Variants in PLAA observed in about 807,000 individuals in gnomAD.
The protein encoded by PLAA is phospholipase A2 activating protein, also known as phospholipase A-2-activating protein.
PLAA carries 48 observed loss-of-function variants against 84.1 expected under a neutral mutation model. The observed-to-expected ratio is 0.57, with a 90% CI of 0.45 to 0.73. The LOEUF (loss-of-function observed/expected upper bound fraction) is 0.73. Ranked by LOEUF, PLAA falls within the 30% of genes least tolerant of loss-of-function variation. The pLI is 0.00. For synonymous variants in PLAA, 392 were observed against 336.6 expected (o/e 1.16, Z -1.80); for missense variants, 903 against 954.7 (o/e 0.95, Z 0.71).
At chr9:26,941,608 A>G (rs1233237737) in intron 1 of PLAA, among the ~76,000 whole-genome samples, 3 of 152,190 alleles carry the variant, frequency 2.0e-5, no homozygotes, top group Admixed American at 6.6e-5. Flanking sequence ...GAAAAAAACC[A>G]ATATGGAGGA....
chr9:26,941,243 C>T (rs1201596677), intron 1 of PLAA, among the ~76,000 whole-genome samples: 1 of 151,450 alleles, frequency 6.6e-6, no homozygotes, highest in African/African-American at 2.4e-5. Flanking sequence ...TGCTAGTACT[C>T]AGCAAAAGTC....
At chr9:26,914,215 A>C (rs1424090545) in intron 10 of PLAA, among the ~76,000 whole-genome samples, 2 of 152,184 alleles carry the variant, frequency 1.3e-5, no homozygotes, top group Non-Finnish European at 2.9e-5. Flanking sequence ...ATTGGAGAGA[A>C]ATAAAAGTTT....
intron 2 of PLAA, among the ~76,000 whole-genome samples, chr9:26,929,669 T>C (rs1160133547): frequency 6.6e-6 from 1 of 152,190 alleles, no homozygotes; most frequent in Non-Finnish European, 1.5e-5. Context: ...TGGCTCTAGA[T>C]CAAAAACTGT....
At position 26,919,318 on chromosome 9, in the gene PLAA, G is replaced by T; in HGVS notation, c.1409C>A (p.Pro470Gln). Residue 470 changes from proline to glutamine, a missense_variant, in exon 9 of 14, where the codon CCA becomes CAA. Physicochemically the swap from Pro to Gln is moderately conservative, Grantham distance 76. Transcript: ENST00000397292. ...LGLGNPSFSD[P>Q]FTGGGRYVPG... ...TATAAACACTAACTTACCTGTAAAT[G>T]GATCTGAAAAGCTGGGATTCCCAAG... 1 of 1,604,116 alleles carries T rather than the reference G, an allele frequency of 6.2e-7. No individual in the cohort carries two copies. The highest frequency in any genetic ancestry group is 8.5e-7 in the Non-Finnish European group (1 of 1,173,696).
chr9:26,905,961 A>G lies in PLAA; in HGVS notation c.1938T>C (p.Leu646=), dbSNP rs1824222392. The change falls in exon 14 of 14, where the codon CTT becomes CTC. Residue 646 remains leucine, a synonymous_variant. Transcript: ENST00000397292. ...GAQFSSHLIN[L]LNPKGKPANQ... ...TTGCTGGCTTTCCTTTAGGGTTCAG[A>G]AGATTGATAAGATGACTGCTGAACT... 1 of 1,614,022 alleles carries G rather than the reference A, an allele frequency of 6.2e-7. No homozygotes were observed. The highest frequency in any genetic ancestry group is 8.5e-7 in the Non-Finnish European group (1 of 1,180,028).
At chr9:26,940,108 A>C (rs1379057668) in intron 1 of PLAA, among the ~76,000 whole-genome samples, 11 of 152,248 alleles carry the variant, frequency 7.2e-5, no homozygotes, top group Non-Finnish European at 1.6e-4. Flanking sequence ...AATTCCTAGA[A>C]AAATTAAAAA....
At position 26,905,332 on chromosome 9, in the gene PLAA, A is replaced by C. The variant is rs1319014577; in HGVS notation, c.*179T>G. The C allele has an allele frequency of 1.1e-5, 6 of 555,366 alleles. No individual in the cohort carries two copies. The highest frequency in any genetic ancestry group is 9.5e-5 in the African/African-American group (5 of 52,698). The allele number at this position is 555,366 out of a possible 1,614,324, so 34.4% of individuals were successfully genotyped here. A position where few individuals can be genotyped will look rare whatever the true frequency, so the allele number is the denominator to read the frequency against. On this transcript the variant is annotated 3_prime_UTR_variant, in exon 14 of 14. Transcript: ENST00000397292. Reference sequence around the variant, plus strand: ...AAATCTACCCAAATTACACAGGAAAATCTCACAGTTCAGCAGTGCAAAAAT... The same window carrying C: ...AAATCTACCCAAATTACACAGGAAACTCTCACAGTTCAGCAGTGCAAAAAT...
At chr9:26,946,709 G>A (rs1825733554) in intron 1 of PLAA, among the ~76,000 whole-genome samples, 188 bp downstream of exon 1, 1 of 152,188 alleles carries the variant, frequency 6.6e-6, no homozygotes. Context: ...CCAACCCTGT[G>A]CTCTTTCCAC....
In PLAA at chr9:26,903,380, T is replaced by A. The variant is rs1824138483; in HGVS notation, c.*2131A>T. On this transcript the variant is annotated 3_prime_UTR_variant, in exon 14 of 14. Coordinates refer to ENST00000397292, the MANE Select transcript of PLAA (RefSeq NM_001031689.3). ...AAATGGGTATATCCATATGATAGAA[T>A]ATTGTATTTATTAATGTGGAGCTCT... is the stretch of plus-strand genomic sequence containing the variant. Among the ~76,000 whole-genome samples, 1 of 152,238 alleles carries A rather than the reference T, an allele frequency of 6.6e-6. No individual in the cohort carries two copies. Among genetic ancestry groups the A allele is most frequent in the Non-Finnish European group, 1.5e-5 (1 of 68,038 alleles).
chr9:26,919,550 G>A (rs767742217), intron 8 of PLAA, 21 bp from the exon 9 acceptor site: 2 of 1,256,252 alleles, frequency 1.6e-6, no homozygotes, highest in Admixed American at 3.4e-5. Context: ...AATATAAAAA[G>A]GAGATACATG....
At chr9:26,907,365 T>TA (rs1293768024) in intron 13 of PLAA, among the ~76,000 whole-genome samples, 2 of 148,192 alleles carry the variant, frequency 1.3e-5, no homozygotes, top group Admixed American at 1.4e-4. Flanking sequence ...CCGTCTCTAC[T>TA]AAAAATACAA....
intron 10 of PLAA, among the ~76,000 whole-genome samples, chr9:26,914,805 T>C (rs1465900436): frequency 1.3e-5 from 2 of 152,214 alleles, no homozygotes; most frequent in African/African-American, 4.8e-5. Context: ...TTTCTAAATA[T>C]GGTTTTCTGA....
intron 1 of PLAA, among the ~76,000 whole-genome samples, chr9:26,944,959 C>T (rs1381387144): frequency 6.6e-6 from 1 of 152,224 alleles, no homozygotes; most frequent in Non-Finnish European, 1.5e-5. Context: ...GAAACCCCAT[C>T]TCTACTAAAA....
chr9:26,943,468 G>T (rs1394285927), intron 1 of PLAA, among the ~76,000 whole-genome samples: 5 of 152,206 alleles, frequency 3.3e-5, no homozygotes, highest in African/African-American at 9.6e-5. Context: ...TGCATCAGAG[G>T]TAGACAGACC....
At chr9:26,920,500 C>A in intron 7 of PLAA, 116 bp from the exon 8 acceptor site, 6 of 577,856 alleles carry the variant, frequency 1.0e-5, no homozygotes, top group South Asian at 4.5e-5. Context: ...GATTTTGTTT[C>A]AAAATAAAAT....
intron 10 of PLAA, 36 bp from the exon 11 acceptor site, chr9:26,913,983 AC>A: frequency 6.9e-7 from 1 of 1,445,650 alleles, no homozygotes; most frequent in Non-Finnish European, 9.7e-7. Flanking sequence ...AGCAAAGGTG[AC>A]TGTAAATTAT....
At chr9:26,914,117 A>G (rs1211480645) in intron 10 of PLAA, among the ~76,000 whole-genome samples, 170 bp from the exon 11 acceptor site, 1 of 152,254 alleles carries the variant, frequency 6.6e-6, no homozygotes, top group Non-Finnish European at 1.5e-5. Flanking sequence ...GTGCCTGAGC[A>G]TATCATAAGT....
rs953342648 is a variant in PLAA, at chr9:26,904,613, T to G, written c.*898A>C. 27 of 152,254 alleles carry G rather than the reference T, an allele frequency of 1.8e-4. No homozygotes were observed. Among genetic ancestry groups the G allele is most frequent in the African/African-American group, 6.3e-4 (26 of 41,568 alleles). The allele number at this position is 152,254 out of a possible 1,614,324, so 9.4% of individuals were successfully genotyped here. On this transcript the variant is annotated 3_prime_UTR_variant, in exon 14 of 14. Transcript: ENST00000397292. ...GGGTTTTAAGGATTAAATATCAGTG[T>G]GTCTACTATTCTGCCTGGACCACAT...
Position 26,919,201 on chromosome 9 carries a change from A to G in PLAA, c.1417+109T>C, listed in dbSNP as rs996127003. On this transcript the variant is annotated intron_variant, in intron 9 of 13. Coordinates refer to ENST00000397292, the MANE Select transcript of PLAA (RefSeq NM_001031689.3). The stretch of plus-strand genomic sequence containing the variant: ...TGAATGTGAAGTAAAACCCTGCTGT[A>G]GATATTGGTATTTATTGAAAAAGCT... 5 of 605,990 alleles carry G rather than the reference A, an allele frequency of 8.3e-6. No homozygotes were observed. In the Admixed American group the frequency reaches 1.5e-4, roughly 18 times the overall value. 37.5% of individuals were successfully genotyped at this position (605,990 alleles called of 1,614,324 possible). A position where few individuals can be genotyped will look rare whatever the true frequency, so the allele number is the denominator to read the frequency against.
Sources: gnomAD v4.1 joint callset for allele counts (sites outside exome capture counted in the v4.1 genomes callset) on GRCh38, gnomAD v4.1.1 for gene constraint, MANE v1.5 for transcripts, NCBI Gene and HGNC (gene_info 2026-07-23, HGNC 2026-07-21) for gene names.